SEC63: variants seen among roughly 807,000 people sequenced by gnomAD.
SEC63 encodes translocation protein SEC63 homolog.
Under a neutral mutation model 116.2 loss-of-function variants are expected in SEC63, and 56 were observed. That is an observed-to-expected ratio of 0.48 (90% CI 0.39 to 0.60). The LOEUF is 0.60. Ranked by LOEUF, SEC63 falls within the 20% of genes least tolerant of loss-of-function variation. SEC63 has a pLI of 0.00. For missense variants in SEC63, 668 were observed against 900.0 expected (o/e 0.74, Z 3.30); for synonymous variants, 273 against 294.6 (o/e 0.93, Z 0.75).
rs547945582 is a variant in SEC63, at chr6:107,929,279, T to C, written c.224+136A>G. ...ATCTGTTCAGACTGTTCCCACATTT[T>C]CTCCTATCTTACCCTTACTATAGAT... On this transcript the variant is annotated intron_variant, in intron 2 of 20. Coordinates refer to ENST00000369002, the MANE Select transcript of SEC63 (RefSeq NM_007214.5). 2.0e-5 allele frequency: 12 copies of C among 601,730 alleles called. No homozygotes were observed. In the African/African-American group the frequency reaches 2.2e-4, roughly 11 times the overall value. The allele number at this position is 601,730 out of a possible 1,614,324, so 37.3% of individuals were successfully genotyped here. A position where few individuals can be genotyped will look rare whatever the true frequency, so the allele number is the denominator to read the frequency against.
intron 2 of SEC63, among the ~76,000 whole-genome samples, chr6:107,928,104 T>C (rs947620368): frequency 2.6e-5 from 4 of 152,080 alleles, no homozygotes; most frequent in African/African-American, 9.7e-5. Context: ...AAATTACTCT[T>C]TTCAAGACTA....
chr6:107,957,872 C>T lies in SEC63; in HGVS notation c.124+14G>A. The T allele has an allele frequency of 6.2e-7, 1 of 1,607,516 alleles. No individual in the cohort carries two copies. Among genetic ancestry groups the T allele is most frequent in the South Asian group, 1.1e-5 (1 of 90,760 alleles). ...GCCTGCGCGGGTTCGCGGGCAAAGG[C>T]CGGCGGGACTCACCGGCATTCTGAT... is the stretch of plus-strand genomic sequence containing the variant. On this transcript the variant is annotated intron_variant, in intron 1 of 20. Coordinates refer to ENST00000369002, the MANE Select transcript of SEC63 (RefSeq NM_007214.5).
At chr6:107,929,591 A>G in intron 1 of SEC63, 77 bp from the exon 2 acceptor site, 1 of 804,290 alleles carries the variant, frequency 1.2e-6, no homozygotes, top group Admixed American at 1.8e-5. Context: ...CTGGTTAACT[A>G]ACCTTCATTA....
At chr6:107,873,367 C>A (rs924969400) in intron 19 of SEC63, among the ~76,000 whole-genome samples, 2 of 152,130 alleles carry the variant, frequency 1.3e-5, no homozygotes, top group Admixed American at 6.5e-5. Context: ...ATCATCAAAT[C>A]ATAAACTTCA....
chr6:107,945,960 G>A (rs1007541416), intron 1 of SEC63, among the ~76,000 whole-genome samples: 12 of 151,322 alleles, frequency 7.9e-5, no homozygotes, highest in Admixed American at 1.3e-4. Context: ...TTTTTGAGAC[G>A]GAGTCTTACT....
chr6:107,906,933 A>AT (rs1202359723), intron 8 of SEC63, among the ~76,000 whole-genome samples, 156 bp from the exon 9 acceptor site: 2 of 152,226 alleles, frequency 1.3e-5, no homozygotes, highest in Non-Finnish European at 2.9e-5. Flanking sequence ...TATTTCTTCC[A>AT]TAAAAAAAGT....
intron 4 of SEC63, among the ~76,000 whole-genome samples, chr6:107,915,488 C>T (rs1443094913): frequency 6.6e-6 from 1 of 152,056 alleles, no homozygotes; most frequent in East Asian, 1.9e-4. Flanking sequence ...ATTAACATAT[C>T]TTTAAGGTGA....
At chr6:107,874,595 CAAA>C (rs35096526) in intron 19 of SEC63, among the ~76,000 whole-genome samples, 5 of 64,552 alleles carry the variant, frequency 7.7e-5, no homozygotes, top group Admixed American at 1.6e-4. Flanking sequence ...GACTCTGTCT[CAAA>C]AAAAAAAAAA....
intron 18 of SEC63, 25 bp from the exon 19 acceptor site, chr6:107,876,687 A>AAAG (rs749475974): frequency 1.8e-5 from 26 of 1,429,208 alleles, no homozygotes; most frequent in African/African-American, 2.8e-5. Flanking sequence ...AAAAAAAAAA[A>AAAG]AAGAAGAGGG....
At chr6:107,937,668 A>G (rs144882154) in intron 1 of SEC63, among the ~76,000 whole-genome samples, 121 of 152,314 alleles carry the variant, frequency 7.9e-4, no homozygotes, top group African/African-American at 2.6e-3. Flanking sequence ...CCAGCAGCGT[A>G]TAAGTGTTTC....
chr6:107,874,961 C>T (rs1402582992), intron 19 of SEC63, among the ~76,000 whole-genome samples: 1 of 152,208 alleles, frequency 6.6e-6, no homozygotes, highest in Non-Finnish European at 1.5e-5. Flanking sequence ...AATTATGCCA[C>T]ATCAATGTTA....
In SEC63 at chr6:107,893,606, C is replaced by A. The variant is rs1330173157; in HGVS notation, c.1550G>T (p.Ser517Ile). 1 of 1,611,540 alleles carries A rather than the reference C, an allele frequency of 6.2e-7. No individual in the cohort carries two copies. Among genetic ancestry groups the A allele is most frequent in the African/African-American group, 1.3e-5 (1 of 74,520 alleles). ...NRTKGGWQQKSKGPKKTAKSK... is the reference protein window; with the variant it reads ...NRTKGGWQQKIKGPKKTAKSK... ...TTTAGCAGTTTTCTTGGGTCCTTTACTCTTCTGTTGCCATCCTCCTTTTGT... is the reference window on the plus strand; with the variant it reads ...TTTAGCAGTTTTCTTGGGTCCTTTAATCTTCTGTTGCCATCCTCCTTTTGT... The change falls in exon 16 of 21, where the codon AGT becomes ATT. Residue 517 changes from serine (S) to isoleucine (I), a missense_variant. By Grantham distance (142) the Ser-to-Ile change is moderately radical. Coordinates refer to ENST00000369002, the MANE Select transcript of SEC63 (RefSeq NM_007214.5).
At chr6:107,924,720 G>C (rs936901339) in intron 3 of SEC63, 98 bp downstream of exon 3, 11 of 694,276 alleles carry the variant, frequency 1.6e-5, no homozygotes, top group Non-Finnish European at 2.9e-5. Flanking sequence ...ACCAAAGTCT[G>C]ATTTCTATAG....
At chr6:107,888,448 C>G (rs1583730399) in intron 16 of SEC63, among the ~76,000 whole-genome samples, 2 of 152,138 alleles carry the variant, frequency 1.3e-5, no homozygotes, top group East Asian at 3.9e-4. Context: ...ATTTTGTATC[C>G]TAAGACTTAG....
intron 9 of SEC63, 41 bp from the exon 10 acceptor site, chr6:107,906,621 T>A (rs377002726): frequency 1.3e-4 from 206 of 1,606,784 alleles, no homozygotes; most frequent in Non-Finnish European, 1.4e-4. Flanking sequence ...ACGCTTTTTT[T>A]AAAAAAAGTA....
chr6:107,946,403 C>T (rs963503503), intron 1 of SEC63, among the ~76,000 whole-genome samples: 6 of 151,900 alleles, frequency 3.9e-5, no homozygotes, highest in Non-Finnish European at 5.9e-5. Flanking sequence ...GGAGTTTCAC[C>T]ATGTTGGCCA....
chr6:107,922,849 G>T (rs1192310496), intron 3 of SEC63, among the ~76,000 whole-genome samples: 9 of 151,938 alleles, frequency 5.9e-5, no homozygotes, highest in Non-Finnish European at 1.3e-4. Context: ...TGAATGTCTG[G>T]ATCAAGCCAT....
chr6:107,957,873 C>T lies in SEC63; in HGVS notation c.124+13G>A, dbSNP rs773971575. The stretch of plus-strand genomic sequence containing the variant: ...CCTGCGCGGGTTCGCGGGCAAAGGC[C>T]GGCGGGACTCACCGGCATTCTGATC... On this transcript the variant is annotated intron_variant, in intron 1 of 20. Coordinates refer to ENST00000369002, the MANE Select transcript of SEC63 (RefSeq NM_007214.5). 2.2e-5 allele frequency: 35 copies of T among 1,608,166 alleles called. No homozygotes were observed. Among genetic ancestry groups the T allele is most frequent in the Non-Finnish European group, 2.9e-5 (34 of 1,177,504 alleles).
At chr6:107,954,375 T>C (rs1583784575) in intron 1 of SEC63, among the ~76,000 whole-genome samples, 1 of 150,676 alleles carries the variant, frequency 6.6e-6, no homozygotes, top group South Asian at 2.1e-4. Flanking sequence ...AGACCTCTGT[T>C]CACTTGTTTA....
Sources: allele counts gnomAD v4.1 joint callset (sites outside exome capture counted in the v4.1 genomes callset), GRCh38; gene constraint gnomAD v4.1.1; transcripts MANE v1.5; gene names NCBI Gene and HGNC (gene_info 2026-07-23, HGNC 2026-07-21).